The following PDE1C variants were observed in gnomAD, a reference collection of about 807,000 sequenced individuals.
PDE1C encodes the protein phosphodiesterase 1C.
Under a neutral mutation model 93.1 loss-of-function variants are expected in PDE1C, and 62 were observed. The observed-to-expected ratio is 0.67, with a 90% CI of 0.54 to 0.82. The LOEUF is 0.82. Among genes scored for constraint, PDE1C ranks in the 40% least tolerant of loss-of-function variants. PDE1C has a pLI of 0.00. For synonymous variants in PDE1C, 325 were observed against 310.1 expected (o/e 1.05, Z -0.50); for missense variants, 742 against 884.6 (o/e 0.84, Z 2.04).
At chr7:31,670,570 GT>G in the PDE1C span, among the ~76,000 whole-genome samples, 1 of 152,094 alleles carries the variant, frequency 6.6e-6, no homozygotes, top group Non-Finnish European at 1.5e-5. Context: ...TTCTAAAAAG[GT>G]TGAAGTATGC....
chr7:31,886,409 T>C (rs1260669659), intron 2 of PDE1C, among the ~76,000 whole-genome samples: 1 of 152,244 alleles, frequency 6.6e-6, no homozygotes, highest in African/African-American at 2.4e-5. Context: ...CTATAATTAA[T>C]GACAGCTGAT....
intron 2 of PDE1C, among the ~76,000 whole-genome samples, chr7:31,913,343 A>T (rs1467068267): frequency 1.3e-5 from 2 of 152,204 alleles, no homozygotes; most frequent in African/African-American, 4.8e-5. Flanking sequence ...GTAATCACCA[A>T]GATACGAGTT....
chr7:32,423,833 C>G (rs773373337), intron 1 of PDE1C, among the ~76,000 whole-genome samples: 8 of 152,040 alleles, frequency 5.3e-5, no homozygotes, highest in Non-Finnish European at 7.4e-5. Context: ...AACAGCAAGA[C>G]AAGAAAAGAT....
intron 11 of PDE1C, among the ~76,000 whole-genome samples, chr7:31,833,385 T>C (rs752691089): frequency 1.8e-4 from 28 of 152,184 alleles, no homozygotes; most frequent in East Asian, 3.8e-4. Flanking sequence ...TAAAGATACC[T>C]GATATGTGGA....
chr7:31,640,530 CCTGTAAACTCTCTCAA>C, the PDE1C span, among the ~76,000 whole-genome samples: 5 of 152,224 alleles, frequency 3.3e-5, no homozygotes, highest in Non-Finnish European at 7.3e-5. Flanking sequence ...CATGCCAAGA[CCTGTAAACTCTCTCAA>C]AGCGCTAAGC....
At chr7:31,705,790 GA>G in the PDE1C span, among the ~76,000 whole-genome samples, 2 of 151,896 alleles carry the variant, frequency 1.3e-5, no homozygotes, top group Non-Finnish European at 2.9e-5. Flanking sequence ...CAGTGGTGGG[GA>G]AGCTGGCTGG....
chr7:32,366,786 G>T (rs1393665817), intron 1 of PDE1C, among the ~76,000 whole-genome samples: 1 of 151,888 alleles, frequency 6.6e-6, no homozygotes, highest in Non-Finnish European at 1.5e-5. Flanking sequence ...GAAAGAAAAG[G>T]CTGCCGGTCA....
intron 3 of PDE1C, among the ~76,000 whole-genome samples, chr7:32,136,556 A>G (rs1274401014): frequency 6.6e-6 from 1 of 152,170 alleles, no homozygotes; most frequent in East Asian, 1.9e-4. Flanking sequence ...TAAAATACCC[A>G]ATAAATATTT....
chr7:31,919,259 C>G (rs754182901), intron 2 of PDE1C, among the ~76,000 whole-genome samples: 16 of 152,140 alleles, frequency 1.1e-4, no homozygotes, highest in Non-Finnish European at 2.1e-4. Context: ...ATTAAGAGCA[C>G]AGGGCCAGGA....
At chr7:32,062,277 C>A (rs1794905938) in intron 1 of PDE1C, among the ~76,000 whole-genome samples, 1 of 152,192 alleles carries the variant, frequency 6.6e-6, no homozygotes. Context: ...GTTGGATCTA[C>A]CTCCTAAAAA....
chr7:32,148,339 T>G (rs1261338821), intron 3 of PDE1C, among the ~76,000 whole-genome samples: 1 of 152,196 alleles, frequency 6.6e-6, no homozygotes, highest in Non-Finnish European at 1.5e-5. Context: ...CAGTATGTAA[T>G]TAATATTAAA....
intron 2 of PDE1C, among the ~76,000 whole-genome samples, chr7:31,998,672 C>T (rs972494300): frequency 6.6e-6 from 1 of 152,106 alleles, no homozygotes; most frequent in African/African-American, 2.4e-5. Flanking sequence ...GTAATTTAGT[C>T]ATCATATACA....
chr7:32,030,587 T>C (rs1190396084), intron 2 of PDE1C, among the ~76,000 whole-genome samples: 1 of 152,178 alleles, frequency 6.6e-6, no homozygotes, highest in African/African-American at 2.4e-5. Flanking sequence ...CCTGGGCATA[T>C]TGAATATTTT....
intron 2 of PDE1C, among the ~76,000 whole-genome samples, chr7:32,027,455 T>C (rs933260528): frequency 6.6e-6 from 1 of 151,930 alleles, no homozygotes; most frequent in African/African-American, 2.4e-5. Flanking sequence ...TGCTTATATG[T>C]GTGTTTAAAT....
intron 2 of PDE1C, among the ~76,000 whole-genome samples, chr7:31,977,257 C>A (rs957695354): frequency 1.3e-5 from 2 of 152,130 alleles, no homozygotes; most frequent in Non-Finnish European, 2.9e-5. Flanking sequence ...GAGACCTGAG[C>A]TGACATGCCC....
At chr7:32,343,877 CT>C (rs1585118385) in intron 1 of PDE1C, among the ~76,000 whole-genome samples, 2 of 152,216 alleles carry the variant, frequency 1.3e-5, no homozygotes, top group East Asian at 3.9e-4. Flanking sequence ...AATTTGTTAT[CT>C]TTTATTATCC....
At chr7:31,772,721 T>C (rs1318416244) in intron 17 of PDE1C, among the ~76,000 whole-genome samples, 3 of 152,222 alleles carry the variant, frequency 2.0e-5, no homozygotes, top group Non-Finnish European at 4.4e-5. Context: ...TTACAGCAGA[T>C]TGATTTGACT....
chr7:31,733,188 G>A, the PDE1C span, among the ~76,000 whole-genome samples: 608 of 152,248 alleles, frequency 4.0e-3, 18 homozygotes, highest in Admixed American at 0.037. Context: ...CCTCCTTGCC[G>A]TCACCTAATA....
At chr7:32,328,787 G>C (rs1585111314) in intron 1 of PDE1C, among the ~76,000 whole-genome samples, 1 of 152,280 alleles carries the variant, frequency 6.6e-6, no homozygotes, top group African/African-American at 2.4e-5. Context: ...TCTCCACATA[G>C]CTTGTTTCTT....
Sources: allele counts gnomAD v4.1 joint callset (sites outside exome capture counted in the v4.1 genomes callset), GRCh38; gene constraint gnomAD v4.1.1; transcripts MANE v1.5; gene names NCBI Gene and HGNC (gene_info 2026-07-23, HGNC 2026-07-21).